Variants in PAK4 observed in about 807,000 individuals in gnomAD.
PAK4 encodes the protein serine/threonine-protein kinase PAK 4.
In PAK4, 49 loss-of-function variants were observed where a neutral mutation model predicts 53.5. The observed-to-expected ratio is 0.92, with a 90% CI of 0.73 to 1.16. The LOEUF (loss-of-function observed/expected upper bound fraction) is 1.16, where lower values mean the gene tolerates loss of function less well. PAK4 is among the 50% of genes most tolerant of loss of function. The pLI is 0.00. For synonymous variants in PAK4, 376 were observed against 375.6 expected (o/e 1.00, Z -0.01); for missense variants, 824 against 850.7 (o/e 0.97, Z 0.39).
chr19:39,149,030 G>T (rs1057324139), intron 1 of PAK4, among the ~76,000 whole-genome samples: 4 of 152,154 alleles, frequency 2.6e-5, no homozygotes, highest in African/African-American at 4.8e-5. Context: ...AAAATAACAA[G>T]TGTTGGGAGG....
chr19:39,146,318 G>C (rs1330652332), intron 1 of PAK4, among the ~76,000 whole-genome samples: 1 of 152,198 alleles, frequency 6.6e-6, no homozygotes, highest in Non-Finnish European at 1.5e-5. Context: ...GGAGGCCCTG[G>C]CTCCAGCCTA....
At chr19:39,182,263 G>C (rs1356070971), downstream of PAK4, 1 of 152,198 alleles carries the variant, frequency 6.6e-6, no homozygotes, top group East Asian at 1.9e-4. Flanking sequence ...TTTAAGGACC[G>C]ACCCAGAGGT....
intron 1 of PAK4, among the ~76,000 whole-genome samples, chr19:39,132,095 T>G (rs921179744): frequency 6.6e-6 from 1 of 152,186 alleles, no homozygotes; most frequent in Non-Finnish European, 1.5e-5. Context: ...GGGTCCCAGC[T>G]CCACGTGCCA....
chr19:39,136,510 G>A (rs957525349), intron 1 of PAK4: 3 of 152,266 alleles, frequency 2.0e-5, no homozygotes, highest in African/African-American at 7.2e-5. Flanking sequence ...GGCCCCCTTG[G>A]GGAGATGTTT....
chr19:39,150,428 T>A (rs2074075095), intron 1 of PAK4, among the ~76,000 whole-genome samples: 1 of 152,154 alleles, frequency 6.6e-6, no homozygotes. Flanking sequence ...CAGCGAGCAT[T>A]GCCTTTTCTT....
Position 39,174,992 on chromosome 19 carries a change from TG to T in PAK4, c.1165del (p.Asp389ThrfsTer24), listed in dbSNP as rs1406550641. The T allele has an allele frequency of 6.2e-7, 1 of 1,613,602 alleles. No individual in the cohort carries two copies. The highest frequency in any genetic ancestry group is 1.7e-5 in the Admixed American group (1 of 59,986). On this transcript the variant is annotated frameshift_variant, in exon 5 of 9. Coordinates refer to ENST00000358301, the Ensembl canonical transcript of PAK4. LOFTEE classifies it high-confidence loss of function. ...GTGGAGATGTACAACAGCTACCTGG[TG>T]GGGGACGAGCTCTGGGTGGTCATGG... is the stretch of plus-strand genomic sequence containing the variant.
chr19:39,145,446 G>A (rs1013977066), intron 1 of PAK4, among the ~76,000 whole-genome samples: 6 of 152,078 alleles, frequency 3.9e-5, no homozygotes, highest in Admixed American at 6.5e-5. Context: ...GGGGGTCAGG[G>A]CACCCCTACC....
intron 7 of PAK4, 38 bp downstream of exon 8, chr19:39,176,753 A>G: frequency 6.3e-7 from 1 of 1,596,104 alleles, no homozygotes; most frequent in Non-Finnish European, 8.5e-7. Flanking sequence ...CGCCGTGGAC[A>G]GCGTACGCTG....
Position 39,175,044 on chromosome 19 carries a change from C to T in PAK4, c.1212C>T (p.Thr404=), listed in dbSNP as rs766610015. 1.4e-5 allele frequency: 22 copies of T among 1,612,308 alleles called. No homozygotes were observed. The highest frequency in any genetic ancestry group is 8.4e-5 in the Admixed American group (5 of 59,876). ...AGTTCCTGGAAGGAGGCGCCCTCAC[C>T]GACATCGTCACCCACACCAGGTATT... is the stretch of plus-strand genomic sequence containing the variant. The change falls in exon 5 of 9, where the codon ACC becomes ACT. Residue 404 remains threonine (T), a synonymous_variant. Coordinates refer to ENST00000358301, the Ensembl canonical transcript of PAK4. The surrounding 1 kb of genome is among the most constrained non-coding windows in gnomAD (Gnocchi z 4.7).
intron 1 of PAK4, among the ~76,000 whole-genome samples, chr19:39,165,556 T>TAAATAAATA (rs761595959): frequency 2.4e-5 from 3 of 124,002 alleles, no homozygotes; most frequent in African/African-American, 9.2e-5. Flanking sequence ...ATAAATAAAA[T>TAAATAAATA]AATAATAGAC....
chr19:39,126,432 T>G (rs2073578939), intron 1 of PAK4, among the ~76,000 whole-genome samples: 1 of 14,066 alleles, frequency 7.1e-5, no homozygotes, highest in African/African-American at 3.5e-4. Context: ...AAGGAGGGCG[T>G]ATTGCGGGGG....
intron 1 of PAK4, among the ~76,000 whole-genome samples, chr19:39,165,084 C>T (rs535111448): frequency 7.3e-5 from 11 of 151,470 alleles, no homozygotes; most frequent in African/African-American, 2.7e-4. Context: ...GACCCTCACT[C>T]AGCAGAGACT....
In PAK4 at chr19:39,178,683, C is replaced by T; in HGVS notation, c.*104C>T. ...CCCACTCCTCCCAGCCCGGGAGATG[C>T]TCCGCGTGGCACCACCCTCCTTGCT... is the stretch of plus-strand genomic sequence containing the variant. On this transcript the variant is annotated 3_prime_UTR_variant, in exon 9 of 9. Coordinates refer to ENST00000358301, the Ensembl canonical transcript of PAK4. The surrounding 1 kb of genome is among the most constrained non-coding windows in gnomAD (Gnocchi z 4.4). 2 of 1,032,884 alleles carry T rather than the reference C, an allele frequency of 1.9e-6. No homozygotes were observed. Among genetic ancestry groups the T allele is most frequent in the Non-Finnish European group, 2.8e-6 (2 of 714,932 alleles). The allele number at this position is 1,032,884 out of a possible 1,614,324, so 64.0% of individuals were successfully genotyped here.
At chr19:39,132,062 T>C (rs950158687) in intron 1 of PAK4, among the ~76,000 whole-genome samples, 13 of 152,142 alleles carry the variant, frequency 8.5e-5, no homozygotes, top group African/African-American at 2.9e-4. Context: ...TAGTGAGCTG[T>C]AATAACCCCA....
chr19:39,131,846 A>C (rs920763447), intron 1 of PAK4, among the ~76,000 whole-genome samples: 2 of 152,150 alleles, frequency 1.3e-5, no homozygotes, highest in African/African-American at 4.8e-5. Context: ...GAAGAGACAA[A>C]GAACTTCCCT....
At chr19:39,134,070 G>A (rs1052497562) in intron 1 of PAK4, among the ~76,000 whole-genome samples, 1 of 152,034 alleles carries the variant, frequency 6.6e-6, no homozygotes, top group East Asian at 1.9e-4. Context: ...CTTCCCTGCC[G>A]CCCACAGGGG....
chr19:39,167,267 C>G (rs960429733), intron 1 of PAK4, among the ~76,000 whole-genome samples: 5 of 152,222 alleles, frequency 3.3e-5, no homozygotes, highest in African/African-American at 1.2e-4. Context: ...ATGAAGAGGC[C>G]TGGGCTGGGC....
At chr19:39,176,663 C>T (rs1338270086) in exon 7 of PAK4, 9 of 1,613,234 alleles carry the variant, frequency 5.6e-6, no homozygotes, top group South Asian at 1.1e-5. Context: ...CTGGTCGGCA[C>T]GCCCTACTGG....
intron 1 of PAK4, among the ~76,000 whole-genome samples, chr19:39,148,143 G>C (rs1216314196): frequency 6.6e-6 from 1 of 151,588 alleles, no homozygotes; most frequent in African/African-American, 2.4e-5. Flanking sequence ...GTAGAGACGG[G>C]GTTTCACCAT....
Sources: gnomAD v4.1 joint callset for allele counts (sites outside exome capture counted in the v4.1 genomes callset) on GRCh38, gnomAD v4.1.1 for gene constraint, Gnocchi (gnomAD v3.1) non-coding constraint, MANE v1.5 for transcripts, NCBI Gene and HGNC (gene_info 2026-07-23, HGNC 2026-07-21) for gene names.